The following NXPE2 variants were observed in gnomAD, a reference collection of about 807,000 sequenced individuals.
The protein encoded by NXPE2 is NXPE family member 2.
In NXPE2, 34 loss-of-function variants were observed where a neutral mutation model predicts 34.4. That is an observed-to-expected ratio of 0.99 (90% confidence interval 0.75 to 1.31). NXPE2 has a LOEUF of 1.31. NXPE2 is among the 40% of genes most tolerant of loss of function. The pLI is 0.00. For synonymous variants in NXPE2, 235 were observed against 231.3 expected (o/e 1.02, Z -0.15); for missense variants, 649 against 672.5 (o/e 0.97, Z 0.39).
At chr11:114,576,454 A>G in the NXPE2 span, among the ~76,000 whole-genome samples, 1 of 152,070 alleles carries the variant, frequency 6.6e-6, no homozygotes, top group Non-Finnish European at 1.5e-5. Flanking sequence ...TTATACAGTC[A>G]ACAAAGGGCT....
the NXPE2 span, among the ~76,000 whole-genome samples, chr11:114,750,593 A>C: frequency 6.6e-6 from 1 of 152,132 alleles, no homozygotes; most frequent in South Asian, 2.1e-4. Context: ...CCCTTGGCTT[A>C]TTTCTTATAG....
the NXPE2 span, chr11:114,582,651 G>C: frequency 1.2e-6 from 2 of 1,614,178 alleles, no homozygotes; most frequent in Non-Finnish European, 1.7e-6. Context: ...GTTGAAGTCA[G>C]TCACCTTTCC....
chr11:114,500,615 T>G, the NXPE2 span, among the ~76,000 whole-genome samples: 1 of 152,162 alleles, frequency 6.6e-6, no homozygotes, highest in Admixed American at 6.5e-5. Context: ...TTAGTTTTAA[T>G]GCAGTTCATT....
the NXPE2 span, among the ~76,000 whole-genome samples, chr11:114,466,038 C>G: frequency 6.6e-6 from 1 of 152,172 alleles, no homozygotes; most frequent in East Asian, 1.9e-4. Flanking sequence ...ATTTAGTAGA[C>G]TATTTTAGTT....
the NXPE2 span, among the ~76,000 whole-genome samples, chr11:114,744,528 G>A: frequency 3.3e-5 from 5 of 152,094 alleles, no homozygotes; most frequent in African/African-American, 1.2e-4. Context: ...AAAATTCTTG[G>A]CTGGGCGTGG....
chr11:114,664,475 A>G, the NXPE2 span, among the ~76,000 whole-genome samples: 1 of 152,162 alleles, frequency 6.6e-6, no homozygotes, highest in Non-Finnish European at 1.5e-5. Flanking sequence ...ATTTTACTTC[A>G]CGTAAATTGC....
the NXPE2 span, among the ~76,000 whole-genome samples, chr11:114,619,504 G>A: frequency 4.0e-5 from 6 of 151,526 alleles, no homozygotes; most frequent in Admixed American, 6.6e-5. Flanking sequence ...GTGTTGCCTC[G>A]TGGGTAACCA....
the NXPE2 span, among the ~76,000 whole-genome samples, chr11:114,544,325 G>A: frequency 0.014 from 2,071 of 152,224 alleles, 38 homozygotes; most frequent in African/African-American, 0.047. Flanking sequence ...CCCACTTCAA[G>A]GCTTATTACA....
At chr11:114,527,902 C>CT in the NXPE2 span, 1 of 1,541,150 alleles carries the variant, frequency 6.5e-7, no homozygotes, top group Non-Finnish European at 8.7e-7. Context: ...CACTTTGGAC[C>CT]TTCAAAAAAA....
At chr11:114,601,897 TTATATATATTA>T in the NXPE2 span, among the ~76,000 whole-genome samples, 1 of 39,396 alleles carries the variant, frequency 2.5e-5, no homozygotes, top group African/African-American at 7.0e-5. Context: ...TATATTATAT[TTATATATATTA>T]TATAATTATA....
the NXPE2 span, among the ~76,000 whole-genome samples, chr11:114,628,838 A>T: frequency 6.6e-6 from 1 of 151,974 alleles, no homozygotes; most frequent in African/African-American, 2.4e-5. Context: ...GATAAAGGGG[A>T]TATCACCACC....
chr11:114,557,634 C>CATATATATATAT, the NXPE2 span, among the ~76,000 whole-genome samples: 15 of 128,450 alleles, frequency 1.2e-4, no homozygotes, highest in Non-Finnish European at 2.0e-4. Context: ...ATATATAATA[C>CATATATATATAT]ATATATATAT....
At chr11:114,473,148 C>T in the NXPE2 span, among the ~76,000 whole-genome samples, 1 of 152,176 alleles carries the variant, frequency 6.6e-6, no homozygotes, top group African/African-American at 2.4e-5. Context: ...CCCCAAATAC[C>T]GCTTTCCCCA....
chr11:114,467,517 A>C, the NXPE2 span, among the ~76,000 whole-genome samples: 1 of 152,132 alleles, frequency 6.6e-6, no homozygotes, highest in African/African-American at 2.4e-5. Flanking sequence ...GACCAGCCCT[A>C]AATGAGCCCT....
At chr11:114,491,992 C>T in the NXPE2 span, among the ~76,000 whole-genome samples, 204 of 152,112 alleles carry the variant, frequency 1.3e-3, no homozygotes, top group African/African-American at 4.6e-3. Context: ...GGGAACATCA[C>T]GCTCTGGGGA....
At chr11:114,622,082 GATA>G in the NXPE2 span, among the ~76,000 whole-genome samples, 1 of 151,928 alleles carries the variant, frequency 6.6e-6, no homozygotes, top group Non-Finnish European at 1.5e-5. Flanking sequence ...TTACCTGGTG[GATA>G]ATAAGTACTG....
At chr11:114,601,786 CAT>C in the NXPE2 span, among the ~76,000 whole-genome samples, 5 of 56,054 alleles carry the variant, frequency 8.9e-5, no homozygotes, top group South Asian at 2.9e-3. Flanking sequence ...AATTATATAA[CAT>C]GTGATATATG....
chr11:114,625,113 T>A, the NXPE2 span, among the ~76,000 whole-genome samples: 6 of 152,258 alleles, frequency 3.9e-5, no homozygotes, highest in South Asian at 1.2e-3. Flanking sequence ...AAGTATTGCC[T>A]CATGGGTAAC....
At chr11:114,808,400 C>G in the NXPE2 span, among the ~76,000 whole-genome samples, 1 of 151,098 alleles carries the variant, frequency 6.6e-6, no homozygotes, top group African/African-American at 2.4e-5. Context: ...TTAATGAATC[C>G]AGGAGCTGGT....
Sources: allele counts gnomAD v4.1 joint callset (sites outside exome capture counted in the v4.1 genomes callset), GRCh38; gene constraint gnomAD v4.1.1; transcripts MANE v1.5; gene names NCBI Gene and HGNC (gene_info 2026-07-23, HGNC 2026-07-21).